The following STAM2 variants were observed in gnomAD, a reference collection of about 807,000 sequenced individuals.
STAM2 encodes signal transducing adaptor molecule 2.
In STAM2, 51 loss-of-function variants were observed where a neutral mutation model predicts 65.6. The ratio of observed to expected loss-of-function variants is 0.78; its 90% confidence interval spans 0.62 to 0.98. The LOEUF (loss-of-function observed/expected upper bound fraction) is 0.98. Ranked by LOEUF, STAM2 falls within the 50% of genes least tolerant of loss-of-function variation. The pLI is 0.00. For synonymous variants in STAM2, 198 were observed against 208.4 expected (o/e 0.95, Z 0.43); for missense variants, 584 against 617.8 (o/e 0.95, Z 0.58).
intron 1 of STAM2, among the ~76,000 whole-genome samples, chr2:152,166,027 ACT>A (rs1389580546): frequency 2.0e-5 from 3 of 152,008 alleles, no homozygotes; most frequent in African/African-American, 7.2e-5. Flanking sequence ...ACACAGCGAA[ACT>A]CTGTCTCTAC....
chr2:152,156,898 A>C (rs1048988428), intron 1 of STAM2, among the ~76,000 whole-genome samples: 1 of 152,308 alleles, frequency 6.6e-6, no homozygotes, highest in Non-Finnish European at 1.5e-5. Flanking sequence ...ACATGATAGA[A>C]TATCTGGTAC....
In STAM2 at chr2:152,120,203, C is replaced by T; in HGVS notation, c.*371G>A. 1 of 145,830 alleles carries T rather than the reference C, an allele frequency of 6.9e-6. No homozygotes were observed. The highest frequency in any genetic ancestry group is 3.4e-5 in the African/African-American group (1 of 29,458). 9.0% of individuals were successfully genotyped at this position (145,830 alleles called of 1,614,324 possible). ...ATGAGATACTTTTGACAAACTCACT[C>T]TGTCGATCATGCTACTGCACTCCAG... On this transcript the variant is annotated 3_prime_UTR_variant, in exon 14 of 14. Transcript: ENST00000263904.
intron 3 of STAM2, 36 bp downstream of exon 3, chr2:152,148,189 A>C (rs778519924): frequency 1.3e-6 from 2 of 1,596,714 alleles, no homozygotes; most frequent in South Asian, 2.3e-5. Context: ...AACACATTTA[A>C]AATTTGCGTC....
At chr2:152,171,614 T>C (rs1427802969) in intron 1 of STAM2, among the ~76,000 whole-genome samples, 1 of 152,256 alleles carries the variant, frequency 6.6e-6, no homozygotes, top group Non-Finnish European at 1.5e-5. Flanking sequence ...AGTCCCAAGC[T>C]ACTTCCTGGT....
At chr2:152,170,209 C>G (rs2105571125) in intron 1 of STAM2, among the ~76,000 whole-genome samples, 1 of 151,866 alleles carries the variant, frequency 6.6e-6, no homozygotes, top group Non-Finnish European at 1.5e-5. Context: ...CCACTGGGCA[C>G]AGTGGCTCAT....
intron 10 of STAM2, among the ~76,000 whole-genome samples, chr2:152,132,740 C>T (rs555617505): frequency 1.3e-5 from 2 of 152,016 alleles, no homozygotes; most frequent in Non-Finnish European, 2.9e-5. Context: ...TAATTGTTCT[C>T]ACATTTCTTA....
At chr2:152,161,494 T>TTA (rs1355510503) in intron 1 of STAM2, among the ~76,000 whole-genome samples, 2 of 103,598 alleles carry the variant, frequency 1.9e-5, no homozygotes, top group African/African-American at 7.1e-5. Flanking sequence ...GAATGATCAA[T>TTA]AAAAAAAAAA....
At chr2:152,126,870 CA>C (rs573778364) in intron 11 of STAM2, among the ~76,000 whole-genome samples, 248 of 152,266 alleles carry the variant, frequency 1.6e-3, no homozygotes, top group Middle Eastern at 3.4e-3. Flanking sequence ...TCTTCATTTG[CA>C]AAGAAATATA....
intron 1 of STAM2, among the ~76,000 whole-genome samples, chr2:152,169,661 C>T (rs908739803): frequency 1.4e-4 from 22 of 152,060 alleles, no homozygotes; most frequent in Non-Finnish European, 2.8e-4. Context: ...TGAAAAAATG[C>T]TCATCTTCAC....
rs1372358818 is a variant in STAM2 at position 152,118,880 on chromosome 2, TAAGAC to T, written c.*1689_*1693del. On this transcript the variant is annotated 3_prime_UTR_variant, in exon 14 of 14. Coordinates refer to ENST00000263904, the MANE Select transcript of STAM2 (RefSeq NM_005843.6). ...CTGTTCAGTTATTTGTATCTGAAGTTAAGACAATGACATAAACTGAGCTTTCAAAT... is the reference window on the plus strand; with the variant it reads ...CTGTTCAGTTATTTGTATCTGAAGTTAATGACATAAACTGAGCTTTCAAAT... 3.3e-5 allele frequency: 5 copies of T among 152,142 alleles called. No homozygotes were observed. The highest frequency in any genetic ancestry group is 7.4e-5 in the Non-Finnish European group (5 of 67,992). 9.4% of individuals were successfully genotyped at this position (152,142 alleles called of 1,614,324 possible).
chr2:152,158,070 T>C (rs998221808), intron 1 of STAM2, among the ~76,000 whole-genome samples: 1 of 152,208 alleles, frequency 6.6e-6, no homozygotes, highest in Non-Finnish European at 1.5e-5. Flanking sequence ...GAAAGAACTT[T>C]AGAGACATTA....
rs767405541 is a variant in STAM2 at position 152,143,962 on chromosome 2, G to A, written c.569C>T (p.Ser190Phe). The A allele has an allele frequency of 8.7e-6, 14 of 1,613,502 alleles. 1 individual carries two copies. In the Middle Eastern group the frequency reaches 6.6e-4, roughly 76 times the overall value. Residue 190 changes from serine (S) to phenylalanine (F), a missense_variant, in exon 7 of 14, where the codon TCC becomes TTC. Physicochemically the swap from Ser to Phe is radical, Grantham distance 155. Transcript: ENST00000263904. ...EQKQQHTETK[S>F]LYPSSEIQLN... ...CTGAATTTCTGAAGATGGATATAAGGATTTTGTTTCTGTGTGTTGCTGTTT... is the reference window on the plus strand; with the variant it reads ...CTGAATTTCTGAAGATGGATATAAGAATTTTGTTTCTGTGTGTTGCTGTTT...
intron 1 of STAM2, among the ~76,000 whole-genome samples, chr2:152,164,135 GACCT>G (rs1689734712): frequency 6.6e-6 from 1 of 152,032 alleles, no homozygotes; most frequent in Non-Finnish European, 1.5e-5. Flanking sequence ...GGCCCGTAAT[GACCT>G]GGTGGCCCAG....
intron 7 of STAM2, among the ~76,000 whole-genome samples, chr2:152,142,208 T>C (rs1032430438): frequency 1.1e-4 from 16 of 152,220 alleles, no homozygotes; most frequent in African/African-American, 2.7e-4. Context: ...CACATTCATG[T>C]TGAATTCTCT....
chr2:152,122,479 G>C (rs1345067453), intron 13 of STAM2, among the ~76,000 whole-genome samples: 2 of 152,046 alleles, frequency 1.3e-5, no homozygotes, highest in Non-Finnish European at 2.9e-5. Flanking sequence ...TATACTGCTT[G>C]CAATAAAAGA....
chr2:152,149,809 T>C (rs1469225652), intron 2 of STAM2, among the ~76,000 whole-genome samples: 1 of 152,184 alleles, frequency 6.6e-6, no homozygotes, highest in South Asian at 2.1e-4. Context: ...ACTAACAGCC[T>C]ACTCTTGACC....
In STAM2 at chr2:152,169,571, T is replaced by C. The variant is rs187512633; in HGVS notation, c.40+6032A>G. 1.5e-3 allele frequency among the ~76,000 whole-genome samples: 226 copies of C among 152,222 alleles called. 5 individuals carry two copies. The highest frequency in any genetic ancestry group is 5.3e-3 in the African/African-American group (219 of 41,538). On this transcript the variant is annotated intron_variant, in intron 1 of 13. Transcript: ENST00000263904. ...GTCACTGCACCCTGCCATCAATTTT[T>C]AAAAAGTAACCCAACAGAATAATAA...
Position 152,150,143 on chromosome 2 carries a change from A to T in STAM2, c.125+2T>A. ...TTCACTGAGCATGACTGGACATCTTACCCATTAGGAGTACTTCCAACTTTG... is the reference window on the plus strand; with the variant it reads ...TTCACTGAGCATGACTGGACATCTTTCCCATTAGGAGTACTTCCAACTTTG... On this transcript the variant is annotated splice_donor_variant, in intron 2 of 13. Transcript: ENST00000263904. LOFTEE classifies it high-confidence loss of function. 1 of 1,598,026 alleles carries T rather than the reference A, an allele frequency of 6.3e-7. No individual in the cohort carries two copies.
At chr2:152,128,692 T>C (rs955451624) in intron 11 of STAM2, among the ~76,000 whole-genome samples, 18 of 152,190 alleles carry the variant, frequency 1.2e-4, no homozygotes, top group African/African-American at 4.3e-4. Context: ...AAGATTAGAA[T>C]AGTCTGGAAC....
Sources: gnomAD v4.1 joint callset for allele counts (sites outside exome capture counted in the v4.1 genomes callset) on GRCh38, gnomAD v4.1.1 for gene constraint, MANE v1.5 for transcripts, NCBI Gene and HGNC (gene_info 2026-07-23, HGNC 2026-07-21) for gene names.